The following CCDC86 variants were observed in gnomAD, a reference collection of about 807,000 sequenced individuals.
The protein encoded by CCDC86 is coiled-coil domain-containing protein 86.
In CCDC86, 28 loss-of-function variants were observed where a neutral mutation model predicts 36.7. That is an observed-to-expected ratio of 0.76 (90% CI 0.57 to 1.05). The LOEUF is 1.05. CCDC86 is among the 50% of genes least tolerant of loss of function. The pLI, the probability that CCDC86 is intolerant of heterozygous loss-of-function variation, is 0.00. For synonymous variants in CCDC86, 199 were observed against 203.4 expected (o/e 0.98, Z 0.18); for missense variants, 453 against 470.2 (o/e 0.96, Z 0.34).
chr11:60,845,222 AGG>A (rs1317231113), intron 1 of CCDC86, among the ~76,000 whole-genome samples: 1 of 152,166 alleles, frequency 6.6e-6, no homozygotes, highest in African/African-American at 2.4e-5. Flanking sequence ...GAGGGGGAGA[AGG>A]GGAACAGTAG....
intron 1 of CCDC86, among the ~76,000 whole-genome samples, chr11:60,846,571 T>G (rs1219059413): frequency 6.6e-6 from 1 of 151,836 alleles, no homozygotes; most frequent in Non-Finnish European, 1.5e-5. Flanking sequence ...TTTTTTTTCT[T>G]TTTTTCTTTT....
At chr11:60,843,690 G>A (rs1038726676) in intron 1 of CCDC86, among the ~76,000 whole-genome samples, 1 of 152,230 alleles carries the variant, frequency 6.6e-6, no homozygotes, top group Non-Finnish European at 1.5e-5. Context: ...AAGGAAGAGT[G>A]TAGGCTGCCA....
intron 2 of CCDC86, 45 bp downstream of exon 2, chr11:60,848,098 T>C (rs368776679): frequency 1.1e-5 from 17 of 1,600,820 alleles, no homozygotes; most frequent in Non-Finnish European, 1.4e-5. Flanking sequence ...AGGACTAAGC[T>C]AGTGTCTACT....
In CCDC86 at chr11:60,842,751, CG is replaced by C; in HGVS notation, c.631del (p.Ala211GlnfsTer17). On this transcript the variant is annotated frameshift_variant, in exon 1 of 4. Transcript: ENST00000227520. LOFTEE classifies it high-confidence loss of function. ...CTGGGGAGACGGTGACAGGCGGCTT[CG>C]GGGCAAAGAAGCGAAAAGGTTCTTC... ...PAGETVTGGFGAKKRKGSSSQ... is the reference protein window; with the variant it reads ...PAGETVTGGFXAKKRKGSSSQ... The C allele has an allele frequency of 6.2e-7, 1 of 1,613,500 alleles. No individual in the cohort carries two copies. The highest frequency in any genetic ancestry group is 8.5e-7 in the Non-Finnish European group (1 of 1,179,546).
At chr11:60,849,865 G>C in intron 2 of CCDC86, 75 bp from the exon 3 acceptor site, 1 of 1,272,278 alleles carries the variant, frequency 7.9e-7, no homozygotes, top group Non-Finnish European at 1.1e-6. Flanking sequence ...CTGCCCGCTC[G>C]CACTCTTCTG....
chr11:60,847,031 C>A (rs1855192926), intron 1 of CCDC86, among the ~76,000 whole-genome samples: 1 of 151,992 alleles, frequency 6.6e-6, no homozygotes. Flanking sequence ...CCCTGAGAGC[C>A]CTGATGCCCA....
intron 2 of CCDC86, 121 bp downstream of exon 2, chr11:60,848,174 C>G (rs1234626089): frequency 1.5e-6 from 2 of 1,292,994 alleles, no homozygotes. Context: ...AAAAAACGTT[C>G]TTGAATCTGA....
At chr11:60,843,310 TATAAGGATTTACCAGTCAACAGCCTTA>T (rs1321560219) in intron 1 of CCDC86, among the ~76,000 whole-genome samples, 14 of 152,378 alleles carry the variant, frequency 9.2e-5, no homozygotes, top group African/African-American at 2.4e-4. Flanking sequence ...GCACTGATTA[TATAAGGATTTACCAGTCAACAGCCTTA>T]ATAAGGATTT....
In CCDC86 at chr11:60,842,591, C is replaced by A; in HGVS notation, c.467C>A (p.Pro156Gln). Residue 156 changes from proline (P) to glutamine (Q), a missense_variant, in exon 1 of 4, where the codon CCG becomes CAG. By Grantham distance (76) the Pro-to-Gln change is moderately conservative (BLOSUM62 -1). Transcript: ENST00000227520. Reference protein sequence around the residue: ...TPGAPQHQLPPVPGSPEPYPG... With the variant: ...TPGAPQHQLPQVPGSPEPYPG... ...GGGGCCCCCCAGCATCAGCTACCGC[C>A]GGTCCCAGGATCACCAGAGCCTTAC... 1 of 1,613,460 alleles carries A rather than the reference C, an allele frequency of 6.2e-7. No homozygotes were observed. The highest frequency in any genetic ancestry group is 8.5e-7 in the Non-Finnish European group (1 of 1,179,852).
At chr11:60,846,571 T>C (rs1219059413) in intron 1 of CCDC86, among the ~76,000 whole-genome samples, 1 of 151,836 alleles carries the variant, frequency 6.6e-6, no homozygotes, top group Non-Finnish European at 1.5e-5. Context: ...TTTTTTTTCT[T>C]TTTTTCTTTT....
At chr11:60,847,778 C>A (rs1855204919) in intron 1 of CCDC86, 146 bp from the exon 2 acceptor site, 4 of 1,137,762 alleles carry the variant, frequency 3.5e-6, no homozygotes, top group Admixed American at 5.1e-5. Flanking sequence ...TTTCTGCAGC[C>A]CTGGAAGGCC....
chr11:60,844,684 T>G (rs1272066701), intron 1 of CCDC86, among the ~76,000 whole-genome samples: 1 of 152,254 alleles, frequency 6.6e-6, no homozygotes, highest in African/African-American at 2.4e-5. Flanking sequence ...GCACAAATGC[T>G]TATTTATTTG....
rs546309078 is a variant in CCDC86 at position 60,849,876 on chromosome 11, G to T, written c.889-64G>T. 6 of 1,383,316 alleles carry T rather than the reference G, an allele frequency of 4.3e-6. No individual in the cohort carries two copies. The African/African-American group carries it at 8.5e-5, about 20-fold the overall frequency. The allele number at this position is 1,383,316 out of a possible 1,614,324, so 85.7% of individuals were successfully genotyped here. A position where few individuals can be genotyped will look rare whatever the true frequency, so the allele number is the denominator to read the frequency against. ...AATTCTGCCCGCTCGCACTCTTCTG[G>T]GGCCTGAGAGACCAGGGCTGCCTCT... On this transcript the variant is annotated intron_variant, in intron 2 of 3. Coordinates refer to ENST00000227520, the MANE Select transcript of CCDC86 (RefSeq NM_024098.4).
chr11:60,845,786 C>G (rs1000583688), intron 1 of CCDC86, among the ~76,000 whole-genome samples: 9 of 152,166 alleles, frequency 5.9e-5, no homozygotes, highest in Non-Finnish European at 1.5e-5. Flanking sequence ...AGGAATGATT[C>G]TCATCTCCAC....
intron 1 of CCDC86, chr11:60,847,554 C>G (rs757109278): frequency 6.3e-6 from 1 of 159,046 alleles, no homozygotes; most frequent in Non-Finnish European, 1.4e-5. Flanking sequence ...AGCAACAGAA[C>G]TTTACAGCAG....
rs1486552062 is a variant in CCDC86, at chr11:60,848,023, C to A, written c.858C>A (p.His286Gln). ...ERKLAKDFAR[H>Q]LEEEKERRRQ... ...AGCTGGCCAAGGACTTTGCCCGTCA[C>A]CTGGAGGAGGAGAAGGAGAGGCGCC... Residue 286 changes from histidine (H) to glutamine (Q), a missense_variant, in exon 2 of 4, where the codon CAC becomes CAA. By Grantham distance (24) the His-to-Gln change is conservative. Transcript: ENST00000227520. The A allele has an allele frequency of 6.2e-6, 10 of 1,613,418 alleles. No homozygotes were observed. Among genetic ancestry groups the A allele is most frequent in the African/African-American group, 1.3e-5 (1 of 74,910 alleles).
chr11:60,845,016 C>T (rs1590572066), intron 1 of CCDC86, among the ~76,000 whole-genome samples: 1 of 152,124 alleles, frequency 6.6e-6, no homozygotes, highest in East Asian at 1.9e-4. Flanking sequence ...AGGATGGGGA[C>T]CAGAGAATAA....
rs773554592 is a variant in CCDC86 at position 60,850,199 on chromosome 11, C to A, written c.964-7C>A. 19 of 1,613,630 alleles carry A rather than the reference C, an allele frequency of 1.2e-5. No homozygotes were observed. The South Asian group carries it at 2.1e-4, about 18-fold the overall frequency. ...GCACTAATGTCCTCCCCTCATACCA[C>A]CCCCAGATCCGAAACCCCGCCAAGC... On this transcript the variant is annotated splice_polypyrimidine_tract_variant and splice_region_variant and intron_variant, in intron 3 of 3. Transcript: ENST00000227520.
intron 1 of CCDC86, among the ~76,000 whole-genome samples, chr11:60,845,673 C>G (rs564558795): frequency 6.6e-6 from 1 of 152,376 alleles, no homozygotes; most frequent in African/African-American, 2.4e-5. Context: ...CCACTTTCTC[C>G]ATAGTGCCCT....
Sources: allele counts gnomAD v4.1 joint callset (sites outside exome capture counted in the v4.1 genomes callset), GRCh38; gene constraint gnomAD v4.1.1; transcripts MANE v1.5; gene names NCBI Gene and HGNC (gene_info 2026-07-23, HGNC 2026-07-21).